POU2AF2: variants seen among roughly 807,000 people sequenced by gnomAD.
POU2AF2 encodes POU domain class 2-associating factor 2.
chr11:111,270,702 G>GT, the POU2AF2 span, among the ~76,000 whole-genome samples: 1 of 152,160 alleles, frequency 6.6e-6, no homozygotes, highest in Non-Finnish European at 1.5e-5. Flanking sequence ...GGTATCAGCA[G>GT]TAAGGTTGGT....
chr11:111,283,974 C>T, the POU2AF2 span: 41 of 1,031,824 alleles, frequency 4.0e-5, 1 homozygote, highest in Admixed American at 8.6e-5. Context: ...GAGTCAGGCA[C>T]GCGTTAGTAA....
the POU2AF2 span, among the ~76,000 whole-genome samples, chr11:111,276,453 A>AAAAAAT: frequency 1.3e-4 from 5 of 37,664 alleles, no homozygotes; most frequent in South Asian, 1.1e-3. Flanking sequence ...AAAAAAAAAA[A>AAAAAAT]ATATATATAT....
the POU2AF2 span, among the ~76,000 whole-genome samples, chr11:111,266,391 C>A: frequency 6.6e-6 from 1 of 152,250 alleles, no homozygotes; most frequent in African/African-American, 2.4e-5. Flanking sequence ...CAAGGCCAAG[C>A]TGAACCCCCT....
chr11:111,251,362 C>G, the POU2AF2 span, among the ~76,000 whole-genome samples: 2 of 152,116 alleles, frequency 1.3e-5, no homozygotes, highest in Non-Finnish European at 2.9e-5. Flanking sequence ...GGAAAAGTTT[C>G]AGATAAAACA....
At chr11:111,252,277 CAT>C in the POU2AF2 span, among the ~76,000 whole-genome samples, 1 of 152,128 alleles carries the variant, frequency 6.6e-6, no homozygotes, top group Non-Finnish European at 1.5e-5. Context: ...AGGCCTTACT[CAT>C]ATGTATATCT....
the POU2AF2 span, among the ~76,000 whole-genome samples, chr11:111,251,432 G>T: frequency 6.6e-6 from 1 of 152,178 alleles, no homozygotes; most frequent in African/African-American, 2.4e-5. Flanking sequence ...ATGTCTACTA[G>T]ACATCCAATC....
At chr11:111,264,233 C>T in the POU2AF2 span, among the ~76,000 whole-genome samples, 2 of 151,966 alleles carry the variant, frequency 1.3e-5, no homozygotes, top group Admixed American at 6.6e-5. Context: ...CAGTGGCTCA[C>T]GTCTGTAATC....
the POU2AF2 span, among the ~76,000 whole-genome samples, chr11:111,264,044 T>C: frequency 2.0e-5 from 3 of 152,152 alleles, no homozygotes; most frequent in Non-Finnish European, 4.4e-5. Context: ...TCATTGCCCT[T>C]AAGAAATGTA....
chr11:111,285,978 T>C, the POU2AF2 span: 5 of 1,613,942 alleles, frequency 3.1e-6, no homozygotes, highest in South Asian at 5.5e-5. Flanking sequence ...ACCGGTTCCC[T>C]CCATGACCCT....
the POU2AF2 span, chr11:111,281,323 TA>T: frequency 1.6e-6 from 2 of 1,263,172 alleles, no homozygotes; most frequent in African/African-American, 1.5e-5. Context: ...ACCAAGCTTA[TA>T]AGGTGTATTC....
chr11:111,262,526 T>C, the POU2AF2 span, among the ~76,000 whole-genome samples: 1 of 152,228 alleles, frequency 6.6e-6, no homozygotes, highest in Non-Finnish European at 1.5e-5. Flanking sequence ...TTGTGAAGTA[T>C]TAAGAGGAAA....
At chr11:111,274,851 G>A in the POU2AF2 span, among the ~76,000 whole-genome samples, 3 of 152,054 alleles carry the variant, frequency 2.0e-5, no homozygotes, top group Non-Finnish European at 4.4e-5. Context: ...AAAGGCCCTT[G>A]TCTAATTCCA....
the POU2AF2 span, among the ~76,000 whole-genome samples, chr11:111,261,829 T>C: frequency 6.6e-6 from 1 of 152,138 alleles, no homozygotes; most frequent in African/African-American, 2.4e-5. Context: ...TACATAAACC[T>C]AAGGAAAAAT....
At chr11:111,268,020 A>G in the POU2AF2 span, among the ~76,000 whole-genome samples, 1 of 152,202 alleles carries the variant, frequency 6.6e-6, no homozygotes, top group Non-Finnish European at 1.5e-5. Context: ...TGGTGGTGCT[A>G]AACAACAATG....
At chr11:111,264,146 T>C in the POU2AF2 span, among the ~76,000 whole-genome samples, 1 of 152,066 alleles carries the variant, frequency 6.6e-6, no homozygotes, top group Non-Finnish European at 1.5e-5. Context: ...TGACCATCAG[T>C]AAACATGAGG....
chr11:111,245,901 T>C, the POU2AF2 span: 5,658 of 398,800 alleles, frequency 0.014, 33 homozygotes, highest in Middle Eastern at 0.04. Context: ...AAAAAAACTT[T>C]AATCCTAATT....
chr11:111,269,513 T>G, the POU2AF2 span, among the ~76,000 whole-genome samples: 6 of 152,212 alleles, frequency 3.9e-5, no homozygotes, highest in African/African-American at 1.4e-4. Flanking sequence ...CTATTGGTTC[T>G]GCAGGGTTTT....
At chr11:111,275,187 TAC>T in the POU2AF2 span, among the ~76,000 whole-genome samples, 1 of 152,214 alleles carries the variant, frequency 6.6e-6, no homozygotes, top group African/African-American at 2.4e-5. Context: ...GCTCAATATT[TAC>T]AGATTCAACT....
chr11:111,254,636 C>G, the POU2AF2 span, among the ~76,000 whole-genome samples: 2 of 152,296 alleles, frequency 1.3e-5, no homozygotes, highest in African/African-American at 4.8e-5. Context: ...CTCCAATGCA[C>G]CATACTACCT....
Sources: gnomAD v4.1 joint callset for allele counts (sites outside exome capture counted in the v4.1 genomes callset) on GRCh38, gnomAD v4.1.1 for gene constraint, MANE v1.5 for transcripts, NCBI Gene and HGNC (gene_info 2026-07-23, HGNC 2026-07-21) for gene names.